The following MYH7 variants were observed in gnomAD, a reference collection of about 807,000 sequenced individuals.
MYH7 encodes the protein myosin-7.
In MYH7, 129 loss-of-function variants were observed where a neutral mutation model predicts 225.4. The observed-to-expected ratio is 0.57, with a 90% confidence interval of 0.50 to 0.66. The LOEUF is 0.66. Ranked by LOEUF, MYH7 falls within the 30% of genes least tolerant of loss-of-function variation. MYH7 has a pLI of 0.00. For synonymous variants in MYH7, 971 were observed against 1,007.6 expected, an observed-to-expected ratio of 0.96 and a Z score of 0.69; for missense variants, 1,649 against 2,517.0, an observed-to-expected ratio of 0.66 and a Z score of 7.38.
intron 15 of MYH7, 68 bp downstream of exon 15, chr14:23,428,432 G>T (rs1388872781): frequency 9.3e-6 from 15 of 1,606,792 alleles, no homozygotes; most frequent in Non-Finnish European, 1.2e-5. Context: ...GAGAGGGGCT[G>T]CTATTTTGTC....
In MYH7 at chr14:23,434,264, G is replaced by T; in HGVS notation, c.-64-15C>A. ...CTGCAGGGGACCTGGAGAGAGGGAA[G>T]AGGCTGTGTCAGGGCAGGCTGTGCC... On this transcript the variant is annotated splice_polypyrimidine_tract_variant and intron_variant, in intron 1 of 39. Transcript: ENST00000355349. 1.0e-6 allele frequency: 1 copy of T among 1,002,810 alleles called. No individual in the cohort carries two copies. The highest frequency in any genetic ancestry group is 1.2e-6 in the Non-Finnish European group (1 of 839,004). 62.1% of individuals were successfully genotyped at this position (1,002,810 alleles called of 1,614,324 possible).
Position 23,415,641 on chromosome 14 carries a change from C to A in MYH7, c.5145G>T (p.Leu1715=). Reference sequence around the variant, plus strand: ...GGGAGCTGCTCACCTGGGAATGCAGCAGCTGCACCCGCTCACTAGTCTCAA... The same window carrying A: ...GGGAGCTGCTCACCTGGGAATGCAGAAGCTGCACCCGCTCACTAGTCTCAA... ...ELIETSERVQ[L]LHSQNTSLIN... The change falls in exon 35 of 40, where the codon CTG becomes CTT. Residue 1715 remains leucine, a synonymous_variant. Transcript: ENST00000355349. This position sits in a 1 kb window ranked among gnomAD's most constrained non-coding sequence, Gnocchi z 6.3. The A allele has an allele frequency of 6.2e-7, 1 of 1,613,850 alleles. No individual in the cohort carries two copies. Among genetic ancestry groups the A allele is most frequent in the Non-Finnish European group, 8.5e-7 (1 of 1,180,034 alleles).
chr14:23,427,703 G>T lies in MYH7; in HGVS notation c.1770C>A (p.Ile590=). The part of the protein sequence containing the change: ...IHYAGIVDYN[I]IGWLQKNKDP... The stretch of plus-strand genomic sequence containing the variant: ...CCTTGTTCTTCTGCAGCCAGCCAAT[G>T]ATGTTGTAGTCCACGATGCCGGCAT... The change falls in exon 16 of 40, where the codon ATC becomes ATA. Residue 590 remains isoleucine (I), a synonymous_variant. Coordinates refer to ENST00000355349, the MANE Select transcript of MYH7 (RefSeq NM_000257.4). The T allele has an allele frequency of 1.2e-6, 2 of 1,614,214 alleles. No individual in the cohort carries two copies. Among genetic ancestry groups the T allele is most frequent in the Non-Finnish European group, 1.7e-6 (2 of 1,180,038 alleles).
intron 11 of MYH7, among the ~76,000 whole-genome samples, chr14:23,430,137 A>C (rs1892868061): frequency 6.6e-6 from 1 of 152,156 alleles, no homozygotes; most frequent in African/African-American, 2.4e-5. Context: ...CCGCAGCCCC[A>C]GTGTCAGTGG....
chr14:23,414,474 A>G (rs1269127404), intron 37 of MYH7, among the ~76,000 whole-genome samples: 1 of 152,136 alleles, frequency 6.6e-6, no homozygotes, highest in African/African-American at 2.4e-5. Flanking sequence ...CTGGGCTGCA[A>G]TGCAGGCCAG....
Position 23,414,086 on chromosome 14 carries a change from T to C in MYH7, c.5576A>G (p.Lys1859Arg). The change falls in exon 38 of 40, where the codon AAA becomes AGA. Residue 1859 changes from lysine (K) to arginine (R), a missense_variant. Physicochemically the swap from Lys to Arg is conservative, Grantham distance 26. Around this residue, in one of 12 missense-constraint regions of MYH7, gnomAD observed 687 missense variants for 913.8 expected, o/e 0.75. Transcript: ENST00000355349. Reference protein sequence around the residue: ...ELTYQTEEDRKNLLRLQDLVD... With the variant: ...ELTYQTEEDRRNLLRLQDLVD... Reference sequence around the variant, plus strand: ...CAGGTCCTGCAGCCGCAGCAGGTTTTTCCTGTCCTCCTCCGTCTGGGGGCC... The same window carrying C: ...CAGGTCCTGCAGCCGCAGCAGGTTTCTCCTGTCCTCCTCCGTCTGGGGGCC... The C allele has an allele frequency of 1.2e-6, 2 of 1,613,376 alleles. No homozygotes were observed. The highest frequency in any genetic ancestry group is 1.7e-6 in the Non-Finnish European group (2 of 1,180,006).
In MYH7 at chr14:23,428,564, C is replaced by G; in HGVS notation, c.1514G>C (p.Gly505Ala). 1 of 1,614,204 alleles carries G rather than the reference C, an allele frequency of 6.2e-7. No individual in the cohort carries two copies. Among genetic ancestry groups the G allele is most frequent in the Non-Finnish European group, 8.5e-7 (1 of 1,180,044 alleles). Residue 505 changes from glycine (G) to alanine (A), a missense_variant, in exon 15 of 40, where the codon GGC (glycine) becomes GCC (alanine). This residue lies in a region of MYH7 where 76 missense variants were observed against 233.8 expected (regional missense o/e 0.33). Transcript: ENST00000355349. ...AAAGTCAATGAATGTCCACTCGATGCCCTCCTTCTTGTACTCCTCCTGCTC... is the reference window on the plus strand; with the variant it reads ...AAAGTCAATGAATGTCCACTCGATGGCCTCCTTCTTGTACTCCTCCTGCTC... ...VLEQEEYKKE[G>A]IEWTFIDFGM...
chr14:23,427,161 G>A, intron 17 of MYH7, 79 bp downstream of exon 17: 1 of 1,072,330 alleles, frequency 9.3e-7, no homozygotes, highest in East Asian at 5.0e-5. Context: ...AGTAGGGGAT[G>A]AACAAGGCAG....
intron 11 of MYH7, among the ~76,000 whole-genome samples, chr14:23,430,268 T>G (rs1367695598): frequency 1.3e-5 from 2 of 152,178 alleles, no homozygotes; most frequent in African/African-American, 2.4e-5. Flanking sequence ...GCCGTCTGCA[T>G]GGCCTTCCCT....
At position 23,416,326 on chromosome 14, in the gene MYH7, G is replaced by A. The variant is rs1241038198; in HGVS notation, c.4645-14C>T. On this transcript the variant is annotated splice_polypyrimidine_tract_variant and intron_variant, in intron 33 of 39. Transcript: ENST00000355349. ...CTCCAGGGAGGCCTGGGAAGGGGTT[G>A]GGGGAGGGGATGCAGGCAGACAGTC... The A allele has an allele frequency of 1.2e-6, 2 of 1,610,942 alleles. No homozygotes were observed. Among genetic ancestry groups the A allele is most frequent in the Admixed American group, 3.3e-5 (2 of 59,912 alleles).
At chr14:23,426,969 G>A in intron 17 of MYH7, 105 bp from the exon 18 acceptor site, 1 of 1,102,956 alleles carries the variant, frequency 9.1e-7, no homozygotes, top group Non-Finnish European at 1.4e-6. Flanking sequence ...GAGAATTCGA[G>A]AAGTCACAGA....
chr14:23,426,946 A>G, intron 17 of MYH7, 82 bp from the exon 18 acceptor site: 1 of 1,266,430 alleles, frequency 7.9e-7, no homozygotes. Flanking sequence ...GAAGGAAGGA[A>G]AAGAGAGATG....
rs755707262 is a variant in MYH7, at chr14:23,416,859, C to T, written c.4644+9G>A. 2 of 1,614,154 alleles carry T rather than the reference C, an allele frequency of 1.2e-6. No homozygotes were observed. The highest frequency in any genetic ancestry group is 1.7e-4 in the Middle Eastern group (1 of 6,050). On this transcript the variant is annotated intron_variant, in intron 33 of 39. Coordinates refer to ENST00000355349, the MANE Select transcript of MYH7 (RefSeq NM_000257.4). Reference sequence around the variant, plus strand: ...CTCCCTGCACCCCGTGCCCTGCACACACACACACCTCGGCCTCCTCCAGGG... The same window carrying T: ...CTCCCTGCACCCCGTGCCCTGCACATACACACACCTCGGCCTCCTCCAGGG...
chr14:23,431,584 C>T lies in MYH7; in HGVS notation c.732+1G>A, dbSNP rs730880850. The T allele has an allele frequency of 6.2e-7, 1 of 1,614,264 alleles. No homozygotes were observed. The highest frequency in any genetic ancestry group is 2.2e-5 in the East Asian group (1 of 44,884). On this transcript the variant is annotated splice_donor_variant, in intron 8 of 39. Coordinates refer to ENST00000355349, the MANE Select transcript of MYH7 (RefSeq NM_000257.4). LOFTEE classifies it high-confidence loss of function. ...CAAGGCCAAGGTCAGGGACCACTCA[C>T]GAAGCGGGAGGAGTTGTCGTTCCGG...
rs1396486231 is a variant in MYH7 at position 23,413,815 on chromosome 14, T to A, written c.5734A>T (p.Ile1912Phe). 6.2e-7 allele frequency: 1 copy of A among 1,614,248 alleles called. No homozygotes were observed. Among genetic ancestry groups the A allele is most frequent in the Non-Finnish European group, 8.5e-7 (1 of 1,180,040 alleles). ...AGCTTGTTGACCTGGGACTCGGCGA[T>A]GTCCGCCCGCTCCTCTGCCTCATCC... ...ELDEAEERAD[I>F]AESQVNKLRA... Residue 1912 changes from isoleucine (I) to phenylalanine (F), a missense_variant, in exon 39 of 40, where the codon ATC (isoleucine) becomes TTC (phenylalanine). By Grantham distance (21) the Ile-to-Phe change is conservative (BLOSUM62 0). This residue lies in a region of MYH7 where 687 missense variants were observed against 913.8 expected (regional missense o/e 0.75). Coordinates refer to ENST00000355349, the MANE Select transcript of MYH7 (RefSeq NM_000257.4).
At position 23,412,792 on chromosome 14, in the gene MYH7, C is replaced by T. The variant is rs1308662448; in HGVS notation, c.*62G>A. On this transcript the variant is annotated 3_prime_UTR_variant, in exon 40 of 40. Transcript: ENST00000355349. ...TGCTTCCTCCCAAGGAGCTGTTACA[C>T]AGGCTCCAGCATGGGGCTTTGCTGG... 1.9e-6 allele frequency: 3 copies of T among 1,587,428 alleles called. No individual in the cohort carries two copies. The highest frequency in any genetic ancestry group is 2.2e-5 in the East Asian group (1 of 44,786).
In MYH7 at chr14:23,415,392, C is replaced by T. The variant is rs878853839; in HGVS notation, c.5272G>A (p.Ala1758Thr). 2 of 1,614,090 alleles carry T rather than the reference C, an allele frequency of 1.2e-6. No homozygotes were observed. Among genetic ancestry groups the T allele is most frequent in the African/African-American group, 2.7e-5 (2 of 74,932 alleles). The change falls in exon 36 of 40, where the codon GCC becomes ACC. Residue 1758 changes from alanine (A) to threonine (T), a missense_variant. By Grantham distance (58) the Ala-to-Thr change is moderately conservative. This residue lies in a region of MYH7 where 687 missense variants were observed against 913.8 expected (regional missense o/e 0.75). Coordinates refer to ENST00000355349, the MANE Select transcript of MYH7 (RefSeq NM_000257.4). The surrounding 1 kb of genome is among the most constrained non-coding windows in gnomAD (Gnocchi z 6.3). ...CRNAEEKAKK[A>T]ITDAAMMAEE... The stretch of plus-strand genomic sequence containing the variant: ...AGTGGGGGACTTACATCCGTGATGG[C>T]CTTCTTGGCCTTCTCCTCAGCATTC...
At position 23,424,870 on chromosome 14, in the gene MYH7, T is replaced by G. The variant is rs759225115; in HGVS notation, c.2578A>C (p.Lys860Gln). The change falls in exon 22 of 40, where the codon AAA becomes CAA. Residue 860 changes from lysine to glutamine, a missense_variant. Physicochemically the swap from Lys to Gln is moderately conservative, Grantham distance 53 (BLOSUM62 1). Coordinates refer to ENST00000355349, the MANE Select transcript of MYH7 (RefSeq NM_000257.4). ...ASMKEEFTRL[K>Q]EALEKSEARR... ...GCCTCGGACTTCTCTAGCGCCTCTT[T>G]GAGGCGTGTGAACTCCTCCTTCATG... The G allele has an allele frequency of 6.2e-7, 1 of 1,614,234 alleles. No homozygotes were observed. Among genetic ancestry groups the G allele is most frequent in the East Asian group, 2.2e-5 (1 of 44,886 alleles).
Position 23,433,963 on chromosome 14 carries a change from T to C in MYH7, c.-8-223A>G, listed in dbSNP as rs963223639. 3.3e-5 allele frequency among the ~76,000 whole-genome samples: 5 copies of C among 152,150 alleles called. No homozygotes were observed. Among genetic ancestry groups the C allele is most frequent in the Non-Finnish European group, 5.9e-5 (4 of 67,998 alleles). ...AACTAACTATTGTTCAAGCTGGGGC[T>C]CTCCTAGGGGAAGGAAGAGCATTCT... On this transcript the variant is annotated intron_variant, in intron 2 of 39. Transcript: ENST00000355349. The surrounding 1 kb of genome is among the most constrained non-coding windows in gnomAD (Gnocchi z 4.1).
Sources: allele counts gnomAD v4.1 joint callset (sites outside exome capture counted in the v4.1 genomes callset), GRCh38; gene constraint gnomAD v4.1.1; regional missense constraint gnomAD v4.1.1; non-coding constraint Gnocchi (gnomAD v3.1); transcripts MANE v1.5; gene names NCBI Gene and HGNC (gene_info 2026-07-23, HGNC 2026-07-21).